Variants in FMNL2 observed in about 807,000 individuals in gnomAD.
FMNL2 encodes formin-like protein 2.
In FMNL2, 51 loss-of-function variants were observed where a neutral mutation model predicts 130.2. The ratio of observed to expected loss-of-function variants is 0.39; its 90% CI spans 0.31 to 0.49. FMNL2 has a LOEUF of 0.49. Among genes scored for constraint, FMNL2 ranks in the 20% least tolerant of loss-of-function variants. The pLI is 0.85. For missense variants in FMNL2, 977 were observed against 1,316.2 expected (o/e 0.74, Z 3.99); for synonymous variants, 465 against 467.1 (o/e 1.00, Z 0.06).
intron 1 of FMNL2, among the ~76,000 whole-genome samples, chr2:152,455,572 G>T (rs1323995848): frequency 6.6e-6 from 1 of 152,138 alleles, no homozygotes; most frequent in African/African-American, 2.4e-5. Flanking sequence ...CACAGGCTGG[G>T]TGCTGTACTA....
rs536010689 is a variant in FMNL2 at position 152,454,298 on chromosome 2, T to G, written c.118-67645T>G. 8.5e-5 allele frequency among the ~76,000 whole-genome samples: 13 copies of G among 152,112 alleles called. No homozygotes were observed. The South Asian group carries it at 2.7e-3, about 32-fold the overall frequency. On this transcript the variant is annotated intron_variant, in intron 1 of 25. Coordinates refer to ENST00000288670, the MANE Select transcript of FMNL2 (RefSeq NM_052905.4). ...TCTCAAATAAAGAAAAAAAGTGGGT[T>G]TTTTCTTTGCAGTTGGGAAAAGAAT...
chr2:152,589,987 A>ATATGTATTTATATGTATATGTATATG (rs70974871), intron 9 of FMNL2, among the ~76,000 whole-genome samples: 1 of 55,254 alleles, frequency 1.8e-5, no homozygotes, highest in Non-Finnish European at 3.4e-5. Flanking sequence ...ATATATATGT[A>ATATGTATTTATATGTATATGTATATG]TATGTATATG....
intron 3 of FMNL2, among the ~76,000 whole-genome samples, chr2:152,544,440 C>T (rs1402123680): frequency 1.3e-5 from 2 of 152,010 alleles, no homozygotes; most frequent in Non-Finnish European, 2.9e-5. Context: ...TAAATACAGA[C>T]ACACCCATAT....
chr2:152,506,041 GA>G (rs1268973850), intron 1 of FMNL2, among the ~76,000 whole-genome samples: 3 of 152,094 alleles, frequency 2.0e-5, no homozygotes, highest in Non-Finnish European at 2.9e-5. Flanking sequence ...AGTTACATGT[GA>G]AAAAAACTTA....
intron 6 of FMNL2, among the ~76,000 whole-genome samples, chr2:152,570,114 T>C (rs1696095348): frequency 1.3e-5 from 2 of 152,238 alleles, no homozygotes; most frequent in South Asian, 4.1e-4. Flanking sequence ...ATTAATATTT[T>C]ATGTACATAT....
intron 1 of FMNL2, among the ~76,000 whole-genome samples, chr2:152,416,985 A>G (rs1287287628): frequency 6.6e-6 from 1 of 152,236 alleles, no homozygotes; most frequent in Non-Finnish European, 1.5e-5. Context: ...GAGGGCTGAA[A>G]TAAGTTTCAA....
chr2:152,335,674 C>T lies in FMNL2; in HGVS notation c.71C>T (p.Pro24Leu), dbSNP rs759936663. ...GCGCACAACGTGCCTTTGAAGCTGCCGATGCCAGAGCCAGGTGAACTGGAG... is the reference window on the plus strand; with the variant it reads ...GCGCACAACGTGCCTTTGAAGCTGCTGATGCCAGAGCCAGGTGAACTGGAG... ...FRAHNVPLKL[P>L]MPEPGELEER... Residue 24 changes from proline (P) to leucine (L), a missense_variant, in exon 1 of 26, where the codon CCG (proline) becomes CTG (leucine). Pro to Leu is a moderately conservative substitution (Grantham distance 98). Around this residue, in one of 4 missense-constraint regions of FMNL2, gnomAD observed 117 missense variants for 134.9 expected, o/e 0.87. Transcript: ENST00000288670. The T allele has an allele frequency of 1.3e-6, 2 of 1,592,732 alleles. No individual in the cohort carries two copies. The highest frequency in any genetic ancestry group is 1.1e-5 in the South Asian group (1 of 89,780).
chr2:152,554,828 A>T (rs181867743), intron 4 of FMNL2, among the ~76,000 whole-genome samples: 55 of 152,326 alleles, frequency 3.6e-4, no homozygotes, highest in Non-Finnish European at 6.5e-4. Context: ...TTGACATTCC[A>T]TGAAAAAATG....
chr2:152,495,773 C>T (rs367971975), intron 1 of FMNL2, among the ~76,000 whole-genome samples: 9 of 151,578 alleles, frequency 5.9e-5, no homozygotes, highest in Non-Finnish European at 1.2e-4. Flanking sequence ...GAAGCATATA[C>T]GAAATGCCAA....
intron 6 of FMNL2, among the ~76,000 whole-genome samples, chr2:152,573,002 A>G (rs1696266313): frequency 6.6e-6 from 1 of 152,196 alleles, no homozygotes; most frequent in African/African-American, 2.4e-5. Flanking sequence ...GTAAATTTTC[A>G]GAGGTAAAGA....
chr2:152,575,250 T>C lies in FMNL2; in HGVS notation c.705+6T>C. ...GTGCCATCATGAATTATCAGGTATGTTGGAGCTTCTGGTTCTTTTAAAAAA... is the reference window on the plus strand; with the variant it reads ...GTGCCATCATGAATTATCAGGTATGCTGGAGCTTCTGGTTCTTTTAAAAAA... On this transcript the variant is annotated splice_donor_region_variant and intron_variant, in intron 7 of 25. Transcript: ENST00000288670. 6.4e-7 allele frequency: 1 copy of C among 1,556,394 alleles called. No homozygotes were observed.
chr2:152,483,788 C>A (rs1019093678), intron 1 of FMNL2, among the ~76,000 whole-genome samples: 1 of 152,248 alleles, frequency 6.6e-6, no homozygotes. Flanking sequence ...ATGAATTGCT[C>A]ATCTCTTGAA....
At position 152,615,158 on chromosome 2, in the gene FMNL2, C is replaced by A. The variant is rs115052880; in HGVS notation, c.1212+158C>A. Among the ~76,000 whole-genome samples the A allele has an allele frequency of 4.2e-3, 644 of 152,148 alleles. 5 individuals carry two copies. The highest frequency in any genetic ancestry group is 0.014 in the African/African-American group (598 of 41,500). ...TATCAGAAGCTGTTCTGTGTTTTTT[C>A]CAAAAAGCAGATGTGTTATGTAAAA... On this transcript the variant is annotated intron_variant, in intron 12 of 25. Transcript: ENST00000288670.
chr2:152,520,623 T>C (rs1381297023), intron 1 of FMNL2, among the ~76,000 whole-genome samples: 2 of 151,882 alleles, frequency 1.3e-5, no homozygotes, highest in South Asian at 2.1e-4. Flanking sequence ...AAATTAAATA[T>C]TTTAAAGACA....
intron 1 of FMNL2, among the ~76,000 whole-genome samples, chr2:152,371,104 G>A (rs556992017): frequency 9.2e-5 from 14 of 152,358 alleles, no homozygotes; most frequent in African/African-American, 3.4e-4. Flanking sequence ...GCATCTGGGA[G>A]CAATCTGAGA....
intron 4 of FMNL2, among the ~76,000 whole-genome samples, chr2:152,551,320 A>G (rs2083099): frequency 0.55 from 84,296 of 151,968 alleles, 24,333 homozygotes; most frequent in Non-Finnish European, 0.64. Flanking sequence ...TGAGGATACT[A>G]TAGGCATATT....
At chr2:152,341,891 A>G (rs1681829096) in intron 1 of FMNL2, among the ~76,000 whole-genome samples, 1 of 152,218 alleles carries the variant, frequency 6.6e-6, no homozygotes, top group South Asian at 2.1e-4. Flanking sequence ...AAAGTTATTC[A>G]GATAATCTGT....
chr2:152,412,846 C>T (rs539063111), intron 1 of FMNL2, among the ~76,000 whole-genome samples: 1 of 151,990 alleles, frequency 6.6e-6, no homozygotes, highest in Non-Finnish European at 1.5e-5. Flanking sequence ...ATTTCCATAT[C>T]TTTTCTTAAC....
At chr2:152,520,224 G>A (rs550083662) in intron 1 of FMNL2, among the ~76,000 whole-genome samples, 12 of 152,162 alleles carry the variant, frequency 7.9e-5, no homozygotes, top group Middle Eastern at 3.2e-3. Flanking sequence ...AGCTTTGGCA[G>A]TACCATTGAA....
Sources: allele counts gnomAD v4.1 joint callset (sites outside exome capture counted in the v4.1 genomes callset), GRCh38; gene constraint gnomAD v4.1.1; regional missense constraint gnomAD v4.1.1; transcripts MANE v1.5; gene names NCBI Gene and HGNC (gene_info 2026-07-23, HGNC 2026-07-21).